Variants in NXPH2 observed in about 807,000 individuals in gnomAD.
NXPH2 encodes neurexophilin 2.
In NXPH2, 5 loss-of-function variants were observed where a neutral mutation model predicts 19.8. The observed-to-expected ratio is 0.25, with a 90% CI of 0.13 to 0.53. The LOEUF (loss-of-function observed/expected upper bound fraction) is 0.53. Among genes scored for constraint, NXPH2 ranks in the 20% least tolerant of loss-of-function variants. The pLI is 0.96. For missense variants in NXPH2, 289 were observed against 322.8 expected, an observed-to-expected ratio of 0.90 and a Z score of 0.80; for synonymous variants, 154 against 127.4, an observed-to-expected ratio of 1.21 and a Z score of -1.41.
intron 1 of NXPH2, among the ~76,000 whole-genome samples, chr2:138,707,895 T>A (rs1458834163): frequency 6.6e-6 from 1 of 152,212 alleles, no homozygotes; most frequent in African/African-American, 2.4e-5. Context: ...CATTAGCTAA[T>A]TTAATAAGTA....
chr2:138,681,299 A>T (rs1290911569), intron 1 of NXPH2, among the ~76,000 whole-genome samples: 3 of 152,224 alleles, frequency 2.0e-5, no homozygotes, highest in African/African-American at 7.2e-5. Flanking sequence ...TAGTTTTCAC[A>T]GGGATTACTG....
intron 1 of NXPH2, among the ~76,000 whole-genome samples, chr2:138,681,714 T>C: frequency 6.6e-6 from 1 of 152,174 alleles, no homozygotes; most frequent in Admixed American, 6.5e-5. Flanking sequence ...GAAAATTTCA[T>C]ACAGATCAGT....
chr2:138,717,487 G>A (rs139053063), intron 1 of NXPH2, among the ~76,000 whole-genome samples: 47 of 151,504 alleles, frequency 3.1e-4, no homozygotes, highest in Middle Eastern at 3.4e-3. Flanking sequence ...TTCACAAATG[G>A]TGCCTTCTTG....
chr2:138,715,768 C>A (rs1183731326), intron 1 of NXPH2, among the ~76,000 whole-genome samples: 1 of 152,158 alleles, frequency 6.6e-6, no homozygotes, highest in African/African-American at 2.4e-5. Context: ...CTAGAGTCAC[C>A]TAAATCTCCA....
At chr2:138,727,875 A>C (rs1681382560) in intron 1 of NXPH2, among the ~76,000 whole-genome samples, 1 of 152,182 alleles carries the variant, frequency 6.6e-6, no homozygotes, top group South Asian at 2.1e-4. Context: ...ATCTTTCAGA[A>C]GACAAAGGCA....
At chr2:138,712,438 C>T (rs1378290723) in intron 1 of NXPH2, among the ~76,000 whole-genome samples, 2 of 152,178 alleles carry the variant, frequency 1.3e-5, no homozygotes, top group Non-Finnish European at 2.9e-5. Flanking sequence ...GTTCTGTCCT[C>T]TCTGGGTTGA....
chr2:138,775,260 A>G (rs1682243661), intron 1 of NXPH2, among the ~76,000 whole-genome samples: 1 of 152,194 alleles, frequency 6.6e-6, no homozygotes, highest in South Asian at 2.1e-4. Flanking sequence ...TTACAGCATA[A>G]TGAACCAAAC....
chr2:138,756,384 A>C lies in NXPH2; in HGVS notation c.51+23807T>G, dbSNP rs1342083393. Among the ~76,000 whole-genome samples, 5 of 151,762 alleles carry C rather than the reference A, an allele frequency of 3.3e-5. No individual in the cohort carries two copies. In the East Asian group the frequency reaches 9.7e-4, roughly 29 times the overall value. On this transcript the variant is annotated intron_variant, in intron 1 of 1. Transcript: ENST00000272641. ...AGATTTTTCAGCACCAATTATTTTA[A>C]GCACCCCCAAAATGGACACACTTGA...
At chr2:138,674,813 T>C (rs576585825) in intron 1 of NXPH2, among the ~76,000 whole-genome samples, 1 of 152,320 alleles carries the variant, frequency 6.6e-6, no homozygotes, top group East Asian at 1.9e-4. Flanking sequence ...TGATCATGAT[T>C]CTTGCTGCCC....
chr2:138,674,352 C>T (rs563533558), intron 1 of NXPH2, among the ~76,000 whole-genome samples: 22 of 151,974 alleles, frequency 1.4e-4, no homozygotes, highest in African/African-American at 5.3e-4. Context: ...CAGGGTCTCA[C>T]CATGTTGGCC....
chr2:138,709,746 A>G (rs1283846222), intron 1 of NXPH2, among the ~76,000 whole-genome samples: 1 of 152,142 alleles, frequency 6.6e-6, no homozygotes, highest in African/African-American at 2.4e-5. Flanking sequence ...CCAGAATATC[A>G]TCTAATTGGA....
rs184992691 is a variant in NXPH2, at chr2:138,702,482, G to A, written c.52-30817C>T. ...CTGACTTGAATAAAACTATAAAATCGTCCAATAGCCTCTTCTCACCTCATG... is the reference window on the plus strand; with the variant it reads ...CTGACTTGAATAAAACTATAAAATCATCCAATAGCCTCTTCTCACCTCATG... On this transcript the variant is annotated intron_variant, in intron 1 of 1. Coordinates refer to ENST00000272641, the MANE Select transcript of NXPH2 (RefSeq NM_007226.3). Among the ~76,000 whole-genome samples, 266 of 152,080 alleles carry A rather than the reference G, an allele frequency of 1.7e-3. 1 individual carries two copies. The highest frequency in any genetic ancestry group is 6.1e-3 in the African/African-American group (255 of 41,488).
At chr2:138,773,691 T>G (rs1400026040) in intron 1 of NXPH2, among the ~76,000 whole-genome samples, 1 of 152,232 alleles carries the variant, frequency 6.6e-6, no homozygotes, top group East Asian at 1.9e-4. Context: ...TCATTATATA[T>G]GATAAAGCTT....
intron 1 of NXPH2, among the ~76,000 whole-genome samples, chr2:138,736,260 G>T (rs1681536729): frequency 6.6e-6 from 1 of 152,196 alleles, no homozygotes; most frequent in Non-Finnish European, 1.5e-5. Flanking sequence ...CTCCATGAGG[G>T]CCCCACCCTT....
intron 1 of NXPH2, among the ~76,000 whole-genome samples, chr2:138,721,912 T>C (rs564759462): frequency 6.6e-6 from 1 of 152,350 alleles, no homozygotes; most frequent in East Asian, 1.9e-4. Context: ...CTTTATTGAA[T>C]TTGCAGACCT....
intron 1 of NXPH2, among the ~76,000 whole-genome samples, chr2:138,705,001 G>A (rs1246110448): frequency 1.3e-5 from 2 of 151,884 alleles, no homozygotes; most frequent in Non-Finnish European, 2.9e-5. Flanking sequence ...ATTTTTGAAT[G>A]TTTTTAGTAG....
chr2:138,702,039 A>G (rs559856837), intron 1 of NXPH2, among the ~76,000 whole-genome samples: 2 of 152,244 alleles, frequency 1.3e-5, no homozygotes, highest in East Asian at 3.9e-4. Flanking sequence ...AGGCCACTTT[A>G]TCATTTTCCA....
chr2:138,679,986 TC>T (rs1388142688), intron 1 of NXPH2, among the ~76,000 whole-genome samples: 1 of 151,978 alleles, frequency 6.6e-6, no homozygotes, highest in Non-Finnish European at 1.5e-5. Context: ...TGTCACTGCG[TC>T]CTCCAGTGGC....
chr2:138,677,825 T>C (rs900246636), intron 1 of NXPH2, among the ~76,000 whole-genome samples: 12 of 152,184 alleles, frequency 7.9e-5, no homozygotes, highest in Admixed American at 7.2e-4. Context: ...ACATTTTTAT[T>C]TTGGAATAAT....
Sources: allele counts gnomAD v4.1 joint callset (sites outside exome capture counted in the v4.1 genomes callset), GRCh38; gene constraint gnomAD v4.1.1; transcripts MANE v1.5; gene names NCBI Gene and HGNC (gene_info 2026-07-23, HGNC 2026-07-21).